COL22A1: variants seen among roughly 807,000 people sequenced by gnomAD.
COL22A1 encodes collagen alpha-1(XXII) chain.
A neutral mutation model predicts 248.9 loss-of-function variants in COL22A1; 221 were observed. The ratio of observed to expected loss-of-function variants is 0.89; its 90% confidence interval spans 0.80 to 0.99. COL22A1 has a LOEUF of 0.99. Among genes scored for constraint, COL22A1 ranks in the 50% least tolerant of loss-of-function variants. The pLI, the probability that COL22A1 is intolerant of heterozygous loss-of-function variation, is 0.00. For synonymous variants in COL22A1, 891 were observed against 793.4 expected (o/e 1.12, Z -2.07); for missense variants, 2,240 against 2,179.0 (o/e 1.03, Z -0.56).
At chr8:138,798,135 T>C (rs928974725) in intron 11 of COL22A1, among the ~76,000 whole-genome samples, 44 of 148,922 alleles carry the variant, frequency 3.0e-4, no homozygotes, top group African/African-American at 1.0e-3. Context: ...GTACAACAAA[T>C]TTGTTGTTGT....
chr8:138,877,708 G>A (rs758171465), intron 3 of COL22A1, 42 bp downstream of exon 3: 4 of 1,514,290 alleles, frequency 2.6e-6, no homozygotes, highest in Admixed American at 4.1e-5. Flanking sequence ...AGCAGGGGGC[G>A]TCACTCTTGG....
In COL22A1 at chr8:138,636,771, C is replaced by CT. The variant is rs1821215967; in HGVS notation, c.3525dup (p.Asp1176ArgfsTer3). The CT allele has an allele frequency of 1.2e-6, 2 of 1,613,498 alleles. No homozygotes were observed. The highest frequency in any genetic ancestry group is 1.3e-5 in the African/African-American group (1 of 74,850). ...TCACCTTTCTGCCCAACCTCACCAT[C>CT]TGCACCACGTTCTCCTTGACTTCCC... is the stretch of plus-strand genomic sequence containing the variant. On this transcript the variant is annotated frameshift_variant, in exon 48 of 65. Transcript: ENST00000303045. LOFTEE classifies it high-confidence loss of function.
At position 138,667,353 on chromosome 8, in the gene COL22A1, G is replaced by C. The variant is rs752364107; in HGVS notation, c.3151-3613C>G. ...AATGTACACGACAAACCTAGAGAGAGAGCAAGGAGACCATCAAAGATTGCT... is the reference window on the plus strand; with the variant it reads ...AATGTACACGACAAACCTAGAGAGACAGCAAGGAGACCATCAAAGATTGCT... On this transcript the variant is annotated intron_variant, in intron 41 of 64. Coordinates refer to ENST00000303045, the MANE Select transcript of COL22A1 (RefSeq NM_152888.3). Among the ~76,000 whole-genome samples the C allele has an allele frequency of 1.3e-4, 20 of 152,136 alleles. No homozygotes were observed. The South Asian group carries it at 1.5e-3, about 11-fold the overall frequency.
chr8:138,703,526 A>C (rs1828143888), intron 30 of COL22A1, among the ~76,000 whole-genome samples, 179 bp from the exon 31 acceptor site: 1 of 152,244 alleles, frequency 6.6e-6, no homozygotes, highest in South Asian at 2.1e-4. Flanking sequence ...TTACATATGT[A>C]CATTCCAAAT....
At chr8:138,773,654 T>C (rs1206340448) in intron 16 of COL22A1, among the ~76,000 whole-genome samples, 1 of 152,226 alleles carries the variant, frequency 6.6e-6, no homozygotes, top group Admixed American at 6.5e-5. Flanking sequence ...TTGGCAGGTG[T>C]TGCCCGCTAA....
chr8:138,665,567 T>C lies in COL22A1; in HGVS notation c.3151-1827A>G, dbSNP rs184639208. Among the ~76,000 whole-genome samples the C allele has an allele frequency of 8.5e-5, 13 of 152,328 alleles. No homozygotes were observed. In the East Asian group the frequency reaches 1.5e-3, roughly 18 times the overall value. On this transcript the variant is annotated intron_variant, in intron 41 of 64. Coordinates refer to ENST00000303045, the MANE Select transcript of COL22A1 (RefSeq NM_152888.3). ...AACTTCAGCTCAAAGGCAATGTGCC[T>C]ACACACAAGTCAACTTCTGGGCACC...
At chr8:138,735,097 T>C (rs1831007197) in intron 23 of COL22A1, among the ~76,000 whole-genome samples, 1 of 152,164 alleles carries the variant, frequency 6.6e-6, no homozygotes, top group Admixed American at 6.5e-5. Context: ...GACGGGTTGA[T>C]AGGTGCAACA....
intron 14 of COL22A1, 152 bp downstream of exon 14, chr8:138,779,357 G>A (rs1291355881): frequency 3.5e-6 from 2 of 567,556 alleles, no homozygotes; most frequent in Non-Finnish European, 6.4e-6. Context: ...AGAATTGTGT[G>A]TGGATATACA....
intron 41 of COL22A1, among the ~76,000 whole-genome samples, chr8:138,672,984 C>A (rs889733907): frequency 6.6e-6 from 1 of 152,092 alleles, no homozygotes; most frequent in African/African-American, 2.4e-5. Context: ...TCAGAGGCAA[C>A]CTAAAGATTA....
intron 41 of COL22A1, among the ~76,000 whole-genome samples, chr8:138,666,996 A>G (rs147077692): frequency 1.1e-3 from 167 of 152,322 alleles, no homozygotes; most frequent in Middle Eastern, 6.8e-3. Flanking sequence ...TTGTGTTATC[A>G]GAAATAAAAG....
chr8:138,797,750 T>C (rs926392354), intron 11 of COL22A1, among the ~76,000 whole-genome samples: 7 of 152,306 alleles, frequency 4.6e-5, no homozygotes, highest in African/African-American at 1.2e-4. Flanking sequence ...CTACCCATTA[T>C]TGAAAAGGAG....
chr8:138,901,537 T>C (rs1377127322), intron 1 of COL22A1, among the ~76,000 whole-genome samples: 2 of 151,864 alleles, frequency 1.3e-5, no homozygotes, highest in African/African-American at 2.4e-5. Flanking sequence ...CAGCTAATTT[T>C]TGTACTTTTT....
At chr8:138,899,279 A>C (rs927744405) in intron 1 of COL22A1, among the ~76,000 whole-genome samples, 1 of 152,192 alleles carries the variant, frequency 6.6e-6, no homozygotes, top group Non-Finnish European at 1.5e-5. Flanking sequence ...CCAGACATGA[A>C]TACAGAGAGT....
intron 12 of COL22A1, among the ~76,000 whole-genome samples, chr8:138,785,665 G>C (rs955936108): frequency 3.3e-5 from 5 of 152,178 alleles, no homozygotes; most frequent in Non-Finnish European, 7.3e-5. Flanking sequence ...CAGGAATAAA[G>C]GAGGGGGCAG....
intron 23 of COL22A1, among the ~76,000 whole-genome samples, chr8:138,727,948 A>C (rs1439491437): frequency 2.0e-5 from 3 of 151,866 alleles, no homozygotes; most frequent in Admixed American, 1.3e-4. Context: ...TTGGCCCCTC[A>C]CTTCTCTCAG....
At chr8:138,591,900 T>C (rs777672602) in intron 63 of COL22A1, among the ~76,000 whole-genome samples, 2 of 152,190 alleles carry the variant, frequency 1.3e-5, no homozygotes. Context: ...TGTACACACC[T>C]ACACACTCTC....
At chr8:138,755,116 A>C in intron 21 of COL22A1, 41 bp downstream of exon 21, 1 of 1,596,128 alleles carries the variant, frequency 6.3e-7, no homozygotes, top group Admixed American at 1.7e-5. Flanking sequence ...TGGTAAGAGA[A>C]GCGTGCAGAG....
Position 138,778,163 on chromosome 8 carries a change from C to G in COL22A1, c.1758+190G>C, listed in dbSNP as rs536257277. Reference sequence around the variant, plus strand: ...AGGAATATGCATTTAAACTTGTTCTCTGGGTGATTCTTATGGACTGTAACA... The same window carrying G: ...AGGAATATGCATTTAAACTTGTTCTGTGGGTGATTCTTATGGACTGTAACA... On this transcript the variant is annotated intron_variant, in intron 15 of 64. Transcript: ENST00000303045. The G allele has an allele frequency of 2.2e-5, 15 of 690,520 alleles. No homozygotes were observed. In the East Asian group the frequency reaches 4.2e-4, roughly 19 times the overall value. The allele number at this position is 690,520 out of a possible 1,614,324, so 42.8% of individuals were successfully genotyped here.
chr8:138,644,766 C>T (rs1029351391), intron 47 of COL22A1, among the ~76,000 whole-genome samples: 1 of 152,204 alleles, frequency 6.6e-6, no homozygotes, highest in Non-Finnish European at 1.5e-5. Flanking sequence ...CATGACTTCT[C>T]CTATAGCTTT....
Sources: allele counts gnomAD v4.1 joint callset (sites outside exome capture counted in the v4.1 genomes callset), GRCh38; gene constraint gnomAD v4.1.1; transcripts MANE v1.5; gene names NCBI Gene and HGNC (gene_info 2026-07-23, HGNC 2026-07-21).